COG3: variants seen among roughly 807,000 people sequenced by gnomAD.
COG3 encodes the protein component of oligomeric golgi complex 3, also known as conserved oligomeric Golgi complex subunit 3.
COG3 carries 32 observed loss-of-function variants against 114.1 expected under a neutral mutation model. The ratio of observed to expected loss-of-function variants is 0.28; its 90% CI spans 0.21 to 0.38. The LOEUF (loss-of-function observed/expected upper bound fraction) is 0.38. Among genes scored for constraint, COG3 ranks in the 10% least tolerant of loss-of-function variants. The pLI, the probability that COG3 is intolerant of heterozygous loss-of-function variation, is 1.00. For missense variants in COG3, 813 were observed against 973.2 expected (o/e 0.84, Z 2.19); for synonymous variants, 352 against 365.7 (o/e 0.96, Z 0.43).
intron 3 of COG3, 149 bp downstream of exon 3, chr13:45,479,215 T>C (rs1886098569): frequency 6.4e-6 from 4 of 623,284 alleles, no homozygotes; most frequent in South Asian, 2.1e-5. Flanking sequence ...GTGAGAAGAT[T>C]TGGGTCTTTA....
chr13:45,491,282 G>A (rs1340085165), intron 9 of COG3, 130 bp from the exon 10 acceptor site: 9 of 825,346 alleles, frequency 1.1e-5, no homozygotes, highest in Admixed American at 3.1e-5. Context: ...GTATTAAATA[G>A]TTAATGTGGG....
chr13:45,506,152 G>A (rs3014962), intron 14 of COG3, among the ~76,000 whole-genome samples: 107,988 of 151,948 alleles, frequency 0.71, 40,104 homozygotes, highest in Admixed American at 0.81. Context: ...CCGTAGAGCT[G>A]TAGAGAGAAA....
chr13:45,505,452 C>T (rs1265419983), intron 14 of COG3, among the ~76,000 whole-genome samples: 1 of 151,432 alleles, frequency 6.6e-6, no homozygotes, highest in African/African-American at 2.4e-5. Flanking sequence ...CAGGTGCACA[C>T]CAGCACGCCC....
chr13:45,535,859 AG>A lies in COG3; in HGVS notation c.*1130del, dbSNP rs1307490176. On this transcript the variant is annotated 3_prime_UTR_variant, in exon 23 of 23. Coordinates refer to ENST00000349995, the MANE Select transcript of COG3 (RefSeq NM_031431.4). ...TGGATTGGTTTTGCCGCTGATGTTAAGGCAGCCAGCTTCTTAGTTCAAAAAG... is the reference window on the plus strand; with the variant it reads ...TGGATTGGTTTTGCCGCTGATGTTAAGCAGCCAGCTTCTTAGTTCAAAAAG... The A allele has an allele frequency of 1.9e-5, 19 of 987,520 alleles. No individual in the cohort carries two copies. Among genetic ancestry groups the A allele is most frequent in the Non-Finnish European group, 2.2e-5 (18 of 830,110 alleles). 61.2% of individuals were successfully genotyped at this position (987,520 alleles called of 1,614,324 possible).
At chr13:45,528,900 A>T (rs1345183317) in intron 20 of COG3, among the ~76,000 whole-genome samples, 1 of 152,166 alleles carries the variant, frequency 6.6e-6, no homozygotes, top group Admixed American at 6.6e-5. Flanking sequence ...CTGCAAGTAA[A>T]TTTCTAGCAG....
rs555286369 is a variant in COG3, at chr13:45,529,722, C to T, written c.2231-69C>T. On this transcript the variant is annotated intron_variant, in intron 20 of 22. Coordinates refer to ENST00000349995, the MANE Select transcript of COG3 (RefSeq NM_031431.4). ...GCTATTTTTTTCTCCCTTTATTCCCCTTTGAATTAAAATGGAAATATTTCT... is the reference window on the plus strand; with the variant it reads ...GCTATTTTTTTCTCCCTTTATTCCCTTTTGAATTAAAATGGAAATATTTCT... The T allele has an allele frequency of 2.6e-5, 31 of 1,203,088 alleles. No individual in the cohort carries two copies. In the African/African-American group the frequency reaches 3.9e-4, roughly 15 times the overall value. 74.5% of individuals were successfully genotyped at this position (1,203,088 alleles called of 1,614,324 possible).
rs150980454 is a variant in COG3 at position 45,530,697 on chromosome 13, G to A, written c.2374G>A (p.Val792Ile). ...FKPVRNNIQQ[V>I]FQKFHALLKE... ...CCTTTCTAAGAATAATATTCAGCAAGTCTTCCAGAAGTTCCACGCTCTGTT... is the reference window on the plus strand; with the variant it reads ...CCTTTCTAAGAATAATATTCAGCAAATCTTCCAGAAGTTCCACGCTCTGTT... Residue 792 changes from valine to isoleucine, a missense_variant, in exon 22 of 23, where the codon GTC becomes ATC. Physicochemically the swap from Val to Ile is conservative, Grantham distance 29. Transcript: ENST00000349995. 1,944 of 1,606,348 alleles carry A rather than the reference G, an allele frequency of 1.2e-3. 2 individuals carry two copies. Among genetic ancestry groups the A allele is most frequent in the Non-Finnish European group, 1.6e-3 (1,836 of 1,173,196 alleles).
At chr13:45,507,938 A>G (rs1870354711) in intron 14 of COG3, among the ~76,000 whole-genome samples, 1 of 151,516 alleles carries the variant, frequency 6.6e-6, no homozygotes, top group Admixed American at 6.6e-5. Flanking sequence ...GTGTGGTGGC[A>G]TGAGCCTGTG....
intron 12 of COG3, among the ~76,000 whole-genome samples, chr13:45,495,285 G>A (rs182780624): frequency 5.9e-5 from 9 of 151,750 alleles, no homozygotes; most frequent in Admixed American, 1.3e-4. Context: ...ACCATGCCTC[G>A]CCTAATGTGA....
At chr13:45,475,653 A>C (rs1885814481) in intron 1 of COG3, among the ~76,000 whole-genome samples, 1 of 152,112 alleles carries the variant, frequency 6.6e-6, no homozygotes, top group Non-Finnish European at 1.5e-5. Flanking sequence ...ATTAGTACAG[A>C]TTTACCACCC....
chr13:45,476,148 G>A (rs1417296670), intron 1 of COG3, 53 bp from the exon 2 acceptor site: 31 of 1,565,704 alleles, frequency 2.0e-5, no homozygotes, highest in Non-Finnish European at 2.2e-5. Context: ...CTTGAGTTAA[G>A]TTCAGAGAAT....
At chr13:45,497,238 G>C (rs996807165) in intron 13 of COG3, among the ~76,000 whole-genome samples, 2 of 152,156 alleles carry the variant, frequency 1.3e-5, no homozygotes, top group Admixed American at 6.5e-5. Flanking sequence ...TTATCTTCCT[G>C]ATCTTTCAGT....
chr13:45,487,235 C>T (rs1242065658), intron 8 of COG3, among the ~76,000 whole-genome samples: 1 of 152,074 alleles, frequency 6.6e-6, no homozygotes. Flanking sequence ...TCACTGTATA[C>T]AAAAATCAAA....
chr13:45,500,372 G>C (rs953101717), intron 13 of COG3, among the ~76,000 whole-genome samples: 5 of 152,092 alleles, frequency 3.3e-5, no homozygotes, highest in Admixed American at 1.3e-4. Flanking sequence ...GTGGAAAATA[G>C]ATTAAAGATA....
chr13:45,529,177 T>C (rs1277880880), intron 20 of COG3, among the ~76,000 whole-genome samples: 1 of 152,244 alleles, frequency 6.6e-6, no homozygotes, highest in Non-Finnish European at 1.5e-5. Context: ...TGTAGTTTTC[T>C]AGATAACTTC....
chr13:45,480,861 C>T (rs1431618174), intron 4 of COG3, among the ~76,000 whole-genome samples: 2 of 152,206 alleles, frequency 1.3e-5, no homozygotes, highest in Non-Finnish European at 2.9e-5. Flanking sequence ...CCACTGCACC[C>T]AGCTACTGAC....
Position 45,486,238 on chromosome 13 carries a change from C to T in COG3, c.844-257C>T, listed in dbSNP as rs373434371. Among the ~76,000 whole-genome samples the T allele has an allele frequency of 1.9e-3, 280 of 143,992 alleles. 11 individuals carry two copies. In the South Asian group the frequency reaches 0.052, roughly 27 times the overall value. 94.5% of individuals were successfully genotyped at this position (143,992 alleles called of 152,430 possible). A position where few individuals can be genotyped will look rare whatever the true frequency, so the allele number is the denominator to read the frequency against. ...ATCAGGCAGGGAGGTTGCAGTGAGC[C>T]GAGATGGCAGCAGTACAGTCCAGCT... is the stretch of plus-strand genomic sequence containing the variant. On this transcript the variant is annotated intron_variant, in intron 7 of 22. Transcript: ENST00000349995.
At chr13:45,522,497 GA>G in intron 19 of COG3, among the ~76,000 whole-genome samples, 1 of 152,292 alleles carries the variant, frequency 6.6e-6, no homozygotes, top group South Asian at 2.1e-4. Flanking sequence ...TGGAGTAAGA[GA>G]AGCATCTTTA....
intron 2 of COG3, among the ~76,000 whole-genome samples, chr13:45,478,646 G>A (rs1259260805): frequency 1.3e-5 from 2 of 151,364 alleles, no homozygotes; most frequent in African/African-American, 2.4e-5. Flanking sequence ...GTGCCACTAC[G>A]CCTGGCTAAT....
Sources: allele counts gnomAD v4.1 joint callset (sites outside exome capture counted in the v4.1 genomes callset), GRCh38; gene constraint gnomAD v4.1.1; transcripts MANE v1.5; gene names NCBI Gene and HGNC (gene_info 2026-07-23, HGNC 2026-07-21).